SPAG16: variants seen among roughly 807,000 people sequenced by gnomAD.
The protein encoded by SPAG16 is sperm associated antigen 16.
SPAG16 carries 86 observed loss-of-function variants against 80.4 expected under a neutral mutation model. The ratio of observed to expected loss-of-function variants is 1.07; its 90% CI spans 0.90 to 1.28. The LOEUF is 1.28. Among genes scored for constraint, SPAG16 ranks in the 50% most tolerant of loss-of-function variants. The pLI is 0.00. For missense variants in SPAG16, 870 were observed against 765.3 expected (o/e 1.14, Z -1.61); for synonymous variants, 294 against 265.9 (o/e 1.11, Z -1.03).
At chr2:213,672,300 C>G (rs760682479) in intron 10 of SPAG16, among the ~76,000 whole-genome samples, 1 of 151,762 alleles carries the variant, frequency 6.6e-6, no homozygotes, top group Non-Finnish European at 1.5e-5. Context: ...ATATTTGCTC[C>G]CCAAAGAAAA....
chr2:214,377,834 A>G (rs930691823), intron 15 of SPAG16, among the ~76,000 whole-genome samples: 1 of 152,358 alleles, frequency 6.6e-6, no homozygotes, highest in South Asian at 2.1e-4. Flanking sequence ...GGCAAGCACA[A>G]TAATGGCCCC....
At chr2:214,095,787 A>AT (rs34028155) in intron 13 of SPAG16, among the ~76,000 whole-genome samples, 14,244 of 152,054 alleles carry the variant, frequency 0.094, 841 homozygotes, top group East Asian at 0.29. Flanking sequence ...ACAACATTGT[A>AT]TTATGGTAAA....
At chr2:213,812,660 T>C (rs1306196478) in intron 10 of SPAG16, among the ~76,000 whole-genome samples, 1 of 152,182 alleles carries the variant, frequency 6.6e-6, no homozygotes, top group Non-Finnish European at 1.5e-5. Context: ...TCCTGGTATC[T>C]GGAACATTTG....
At chr2:213,787,223 A>G (rs1200913124) in intron 10 of SPAG16, among the ~76,000 whole-genome samples, 2 of 152,108 alleles carry the variant, frequency 1.3e-5, no homozygotes, top group East Asian at 3.9e-4. Flanking sequence ...GGAACTTAAA[A>G]TAATAATAAA....
intron 13 of SPAG16, among the ~76,000 whole-genome samples, chr2:214,041,949 T>A (rs537963275): frequency 9.2e-5 from 13 of 141,088 alleles, no homozygotes; most frequent in African/African-American, 3.1e-4. Context: ...ATATATATAG[T>A]TTGTGTATAT....
intron 9 of SPAG16, among the ~76,000 whole-genome samples, chr2:213,410,727 T>C (rs1280501754): frequency 6.6e-6 from 1 of 152,230 alleles, no homozygotes; most frequent in Non-Finnish European, 1.5e-5. Context: ...AAAGCAATTG[T>C]TACACTTGTG....
chr2:214,070,805 T>A (rs2050751878), intron 13 of SPAG16, among the ~76,000 whole-genome samples: 1 of 152,098 alleles, frequency 6.6e-6, no homozygotes. Context: ...CTAATATTTT[T>A]CAGATTTCTG....
At chr2:213,424,204 G>C (rs567123942) in intron 9 of SPAG16, among the ~76,000 whole-genome samples, 11 of 152,184 alleles carry the variant, frequency 7.2e-5, no homozygotes, top group Non-Finnish European at 1.6e-4. Context: ...GGAATCAAAT[G>C]TTAGGCAGAT....
chr2:213,296,577 C>T (rs1414436366), intron 2 of SPAG16, among the ~76,000 whole-genome samples: 1 of 152,160 alleles, frequency 6.6e-6, no homozygotes, highest in Non-Finnish European at 1.5e-5. Context: ...CCTATCATTA[C>T]TTCGGACACT....
chr2:214,320,937 A>G (rs1359611465), intron 15 of SPAG16, among the ~76,000 whole-genome samples: 1 of 152,242 alleles, frequency 6.6e-6, no homozygotes, highest in South Asian at 2.1e-4. Context: ...AAATAAATGT[A>G]AAGTATGTTG....
At chr2:214,226,197 T>C (rs1912177) in intron 15 of SPAG16, among the ~76,000 whole-genome samples, 79,710 of 151,890 alleles carry the variant, frequency 0.52, 23,981 homozygotes, top group South Asian at 0.7. Context: ...TGCTGGCAGG[T>C]TGGTAGGGGC....
chr2:214,232,567 AC>A (rs1370574376), intron 15 of SPAG16, among the ~76,000 whole-genome samples: 10 of 149,164 alleles, frequency 6.7e-5, no homozygotes, highest in Non-Finnish European at 1.2e-4. Context: ...ATTACTGCTC[AC>A]CTCTGACTGT....
At chr2:213,862,197 T>G (rs1310885447) in intron 10 of SPAG16, among the ~76,000 whole-genome samples, 2 of 152,192 alleles carry the variant, frequency 1.3e-5, no homozygotes, top group Non-Finnish European at 2.9e-5. Flanking sequence ...ATAATTACTC[T>G]TTTCAAACCA....
At chr2:213,396,777 T>A in intron 9 of SPAG16, 2 of 383,730 alleles carry the variant, frequency 5.2e-6, no homozygotes, top group South Asian at 4.0e-5. Context: ...TCTCCTCCAA[T>A]CCTCCCTTTC....
At chr2:213,359,365 A>G (rs2065850079) in intron 7 of SPAG16, among the ~76,000 whole-genome samples, 1 of 152,074 alleles carries the variant, frequency 6.6e-6, no homozygotes, top group African/African-American at 2.4e-5. Context: ...TTGTTCAGCT[A>G]TGCCCTGCCC....
chr2:213,866,265 T>G (rs887349164), intron 11 of SPAG16, among the ~76,000 whole-genome samples: 1 of 152,052 alleles, frequency 6.6e-6, no homozygotes, highest in African/African-American at 2.4e-5. Context: ...ATTTTAAACC[T>G]AACGGATACA....
rs369076742 is a variant in SPAG16 at position 214,352,965 on chromosome 2, A to C, written c.1721-57175A>C. Among the ~76,000 whole-genome samples the C allele has an allele frequency of 5.9e-5, 9 of 152,130 alleles. No individual in the cohort carries two copies. In the South Asian group the frequency reaches 1.9e-3, roughly 31 times the overall value. On this transcript the variant is annotated intron_variant, in intron 15 of 15. Transcript: ENST00000331683. ...GCTCTCTGCTGTGGGTTCTAGACAT[A>C]AATGGGTGTGTCAGGGTCCTCCATT...
Position 214,410,273 on chromosome 2 carries a change from C to A in SPAG16, c.1854C>A (p.Leu618=), listed in dbSNP as rs12988372. 6.2e-7 allele frequency: 1 copy of A among 1,610,066 alleles called. No individual in the cohort carries two copies. The highest frequency in any genetic ancestry group is 8.5e-7 in the Non-Finnish European group (1 of 1,176,660). ...TVVFSHDGEI[L]FSGGSDGTVR... ...TGTTTTCTCACGACGGGGAGATTCT[C>A]TTTTCTGGAGGCTCTGACGGCACAG... The change falls in exon 16 of 16, where the codon CTC becomes CTA. Residue 618 remains leucine (L), a synonymous_variant. Transcript: ENST00000331683.
chr2:213,440,515 A>G (rs988988939), intron 9 of SPAG16, among the ~76,000 whole-genome samples: 1 of 152,184 alleles, frequency 6.6e-6, no homozygotes, highest in East Asian at 1.9e-4. Flanking sequence ...AGATTGCGCC[A>G]CTGTGCTCCA....
Sources: gnomAD v4.1 joint callset for allele counts (sites outside exome capture counted in the v4.1 genomes callset) on GRCh38, gnomAD v4.1.1 for gene constraint, MANE v1.5 for transcripts, NCBI Gene and HGNC (gene_info 2026-07-23, HGNC 2026-07-21) for gene names.